Variants in HDAC8 observed in about 807,000 individuals in gnomAD.
HDAC8 encodes the protein histone deacetylase 8.
A neutral mutation model predicts 32.2 loss-of-function variants in HDAC8; 1 was observed. That is an observed-to-expected ratio of 0.03 (90% CI 0.01 to 0.15). The LOEUF is 0.15. Ranked by LOEUF, HDAC8 falls within the 10% of genes least tolerant of loss-of-function variation. The probability of loss-of-function intolerance (pLI) is 1.00; values close to 1 mark genes in which losing one functional copy is unlikely to be tolerated. For missense variants in HDAC8, 117 were observed against 300.0 expected, an observed-to-expected ratio of 0.39 and a Z score of 4.51; for synonymous variants, 108 against 113.9, an observed-to-expected ratio of 0.95 and a Z score of 0.33.
chrX:72,498,601 A>G (rs2049107729), intron 4 of HDAC8, among the ~76,000 whole-genome samples: 1 of 111,951 alleles, frequency 8.9e-6, no homozygotes, highest in Admixed American at 9.5e-5. Flanking sequence ...CTGTTAATAT[A>G]CACATGTTTA....
intron 4 of HDAC8, among the ~76,000 whole-genome samples, chrX:72,499,872 T>A (rs1340846548): frequency 1.8e-5 from 2 of 111,185 alleles, no homozygotes; most frequent in South Asian, 7.5e-4. Flanking sequence ...ATTAATAAGA[T>A]AGGCCGCTAG....
chrX:72,389,481 T>C (rs1415996420), intron 9 of HDAC8, among the ~76,000 whole-genome samples: 1 of 112,037 alleles, frequency 8.9e-6, no homozygotes, highest in African/African-American at 3.2e-5. Flanking sequence ...CTAGCCCTGA[T>C]AAGAGCACTG....
intron 4 of HDAC8, among the ~76,000 whole-genome samples, chrX:72,563,989 G>T (rs1176203120): frequency 9.0e-6 from 1 of 110,830 alleles, no homozygotes; most frequent in African/African-American, 3.3e-5. Context: ...GTGAAACCCC[G>T]TCTCTACTAA....
chrX:72,513,328 C>CTTTT (rs782414687), intron 4 of HDAC8, among the ~76,000 whole-genome samples: 1 of 102,565 alleles, frequency 9.7e-6, no homozygotes. Flanking sequence ...TTTCTAATTA[C>CTTTT]TTTTTTTTTT....
At chrX:72,356,007 T>C (rs1050357129) in intron 9 of HDAC8, among the ~76,000 whole-genome samples, 2 of 112,373 alleles carry the variant, frequency 1.8e-5, no homozygotes, top group Non-Finnish European at 3.8e-5. Flanking sequence ...GCTTATTATG[T>C]GTCAGGCACC....
rs187575095 is a variant in HDAC8 at position 72,348,050 on chromosome X, T to C, written c.1111+3683A>G. Among the ~76,000 whole-genome samples, 42 of 112,320 alleles carry C rather than the reference T, an allele frequency of 3.7e-4. 1 individual carries two copies. In the South Asian group the frequency reaches 9.0e-3, roughly 24 times the overall value. On this transcript the variant is annotated intron_variant, in intron 10 of 10. Transcript: ENST00000373573. ...TCCTGTAGCATGCGGAACACATCTCTGTAAGATGAATCTTCTCAGGTTTGG... is the reference window on the plus strand; with the variant it reads ...TCCTGTAGCATGCGGAACACATCTCCGTAAGATGAATCTTCTCAGGTTTGG...
intron 4 of HDAC8, among the ~76,000 whole-genome samples, chrX:72,523,081 A>G (rs1764292371): frequency 8.9e-6 from 1 of 112,386 alleles, no homozygotes; most frequent in African/African-American, 3.2e-5. Context: ...GTATTTAAAA[A>G]ATACGTTTGT....
chrX:72,547,943 C>T (rs782044449), intron 4 of HDAC8, among the ~76,000 whole-genome samples: 1 of 111,634 alleles, frequency 9.0e-6, no homozygotes, highest in Non-Finnish European at 1.9e-5. Flanking sequence ...ATCATCAATA[C>T]TTGCTTTTAT....
intron 4 of HDAC8, among the ~76,000 whole-genome samples, chrX:72,524,334 C>G (rs918771398): frequency 6.5e-4 from 73 of 112,069 alleles, no homozygotes; most frequent in African/African-American, 2.2e-3. Flanking sequence ...CTGCCATTCT[C>G]TACCTCATAC....
At chrX:72,407,251 A>T (rs1370285535) in intron 9 of HDAC8, among the ~76,000 whole-genome samples, 3 of 112,338 alleles carry the variant, frequency 2.7e-5, no homozygotes, top group Non-Finnish European at 3.8e-5. Context: ...GGTCCTAGAG[A>T]AACTCCAGCT....
chrX:72,456,888 T>C (rs1555989874), intron 9 of HDAC8, among the ~76,000 whole-genome samples: 2 of 110,433 alleles, frequency 1.8e-5, no homozygotes. Flanking sequence ...TGCCCTGATA[T>C]CAAAACCAGA....
intron 10 of HDAC8, among the ~76,000 whole-genome samples, chrX:72,343,440 T>G (rs1555945773): frequency 9.1e-6 from 1 of 110,478 alleles, no homozygotes; most frequent in East Asian, 2.8e-4. Flanking sequence ...CTCAAAATGC[T>G]GGGATTACAG....
chrX:72,456,180 T>A (rs2047711845), intron 9 of HDAC8, among the ~76,000 whole-genome samples: 1 of 112,019 alleles, frequency 8.9e-6, no homozygotes, highest in African/African-American at 3.2e-5. Context: ...CAAAAGGGTA[T>A]AACAATGACA....
At chrX:72,538,114 G>A (rs2050586822) in intron 4 of HDAC8, among the ~76,000 whole-genome samples, 1 of 110,969 alleles carries the variant, frequency 9.0e-6, no homozygotes, top group East Asian at 2.8e-4. Flanking sequence ...AAATCATATT[G>A]AGGTAAAGCT....
At chrX:72,449,697 T>C (rs2047521514) in intron 9 of HDAC8, among the ~76,000 whole-genome samples, 1 of 111,067 alleles carries the variant, frequency 9.0e-6, no homozygotes, top group Non-Finnish European at 1.9e-5. Context: ...AAGACAGAGA[T>C]GGCAGAATAG....
chrX:72,527,497 G>C (rs2050189000), intron 4 of HDAC8, among the ~76,000 whole-genome samples: 1 of 111,741 alleles, frequency 8.9e-6, no homozygotes, highest in African/African-American at 3.3e-5. Context: ...TGAAGCCAGG[G>C]ACAGTGTCAT....
chrX:72,488,351 A>AC (rs1556007206), intron 7 of HDAC8, among the ~76,000 whole-genome samples: 1 of 107,580 alleles, frequency 9.3e-6, no homozygotes, highest in Non-Finnish European at 1.9e-5. Context: ...ACAACCCCCC[A>AC]CCCCCATTCC....
At chrX:72,338,670 T>A (rs192389094) in intron 10 of HDAC8, among the ~76,000 whole-genome samples, 1,029 of 77,944 alleles carry the variant, frequency 0.013, 15 homozygotes, top group African/African-American at 0.042. Context: ...TAAATATATA[T>A]AAATATATAT....
intron 9 of HDAC8, among the ~76,000 whole-genome samples, chrX:72,423,652 G>A (rs1241240239): frequency 8.9e-6 from 1 of 112,174 alleles, no homozygotes; most frequent in Non-Finnish European, 1.9e-5. Context: ...TTACTTCCTT[G>A]GACAATTTTT....
Sources: gnomAD v4.1 joint callset for allele counts (sites outside exome capture counted in the v4.1 genomes callset) on GRCh38, gnomAD v4.1.1 for gene constraint, MANE v1.5 for transcripts, NCBI Gene and HGNC (gene_info 2026-07-23, HGNC 2026-07-21) for gene names.